Variants in NEO1 observed in about 807,000 individuals in gnomAD.
NEO1 encodes neogenin.
NEO1 carries 63 observed loss-of-function variants against 159.7 expected under a neutral mutation model. The observed-to-expected ratio is 0.39, with a 90% CI of 0.32 to 0.49. The LOEUF is 0.49. NEO1 is among the 20% of genes least tolerant of loss of function. The pLI is 0.85. For synonymous variants in NEO1, 633 were observed against 662.0 expected (o/e 0.96, Z 0.67); for missense variants, 1,615 against 1,831.0 (o/e 0.88, Z 2.15).
At chr15:73,067,603 C>T (rs1297903972) in intron 1 of NEO1, among the ~76,000 whole-genome samples, 1 of 150,468 alleles carries the variant, frequency 6.6e-6, no homozygotes, top group Admixed American at 6.6e-5. Flanking sequence ...GCGCCTGCCA[C>T]CACGCCCAGC....
chr15:73,236,685 G>A (rs2039190356), intron 8 of NEO1, among the ~76,000 whole-genome samples, 179 bp downstream of exon 8: 1 of 152,194 alleles, frequency 6.6e-6, no homozygotes, highest in South Asian at 2.1e-4. Context: ...AGTCCTGGTA[G>A]TCTCTCCTTT....
intron 5 of NEO1, among the ~76,000 whole-genome samples, chr15:73,138,171 T>C (rs2151758846): frequency 6.6e-6 from 1 of 152,196 alleles, no homozygotes; most frequent in Non-Finnish European, 1.5e-5. Flanking sequence ...ACAAAAAAAT[T>C]CTAAAAGCTT....
At chr15:73,238,743 T>C (rs1230924368) in intron 8 of NEO1, among the ~76,000 whole-genome samples, 3 of 152,028 alleles carry the variant, frequency 2.0e-5, no homozygotes, top group African/African-American at 7.3e-5. Context: ...AAGCAGATGA[T>C]TCATAGTACT....
chr15:73,230,049 C>T (rs143522883), intron 7 of NEO1, among the ~76,000 whole-genome samples: 1 of 152,162 alleles, frequency 6.6e-6, no homozygotes, highest in African/African-American at 2.4e-5. Context: ...CAGAGTAATA[C>T]TGAACGCACA....
intron 5 of NEO1, among the ~76,000 whole-genome samples, chr15:73,141,019 A>T (rs1250488126): frequency 3.3e-5 from 5 of 152,178 alleles, no homozygotes; most frequent in African/African-American, 1.2e-4. Flanking sequence ...TCAGTTTCTT[A>T]ATCTGGGTGG....
At chr15:73,262,818 A>G (rs2040684831) in intron 15 of NEO1, among the ~76,000 whole-genome samples, 2 of 152,242 alleles carry the variant, frequency 1.3e-5, no homozygotes, top group Admixed American at 1.3e-4. Flanking sequence ...GGAAATAACA[A>G]ATTTTCATCA....
chr15:73,226,475 T>G (rs80227449), intron 7 of NEO1, among the ~76,000 whole-genome samples: 2,127 of 152,240 alleles, frequency 0.014, 32 homozygotes, highest in East Asian at 0.049. Flanking sequence ...CAAATAAGAA[T>G]GAGAAATGCT....
chr15:73,228,334 G>A (rs77021592), intron 7 of NEO1, among the ~76,000 whole-genome samples: 225 of 151,544 alleles, frequency 1.5e-3, no homozygotes, highest in Non-Finnish European at 2.7e-3. Flanking sequence ...AATGACTAAT[G>A]ATGTCATTTT....
Position 73,122,562 on chromosome 15 carries a change from A to G in NEO1, c.486A>G (p.Ser162=). The G allele has an allele frequency of 5.0e-6, 8 of 1,613,990 alleles. No individual in the cohort carries two copies. The highest frequency in any genetic ancestry group is 6.8e-6 in the Non-Finnish European group (8 of 1,179,950). The change falls in exon 3 of 29, where the codon TCA becomes TCG. Residue 162 remains serine (S), a synonymous_variant. Coordinates refer to ENST00000261908, the MANE Select transcript of NEO1 (RefSeq NM_002499.4). ...TTACCAGCCAACCAGAACCTTCCTC[A>G]GTTTATGCTGGGAACAATGCAATTC... ...PRFTSQPEPS[S]VYAGNNAILN...
intron 22 of NEO1, among the ~76,000 whole-genome samples, chr15:73,281,218 CATAA>C (rs2041688979): frequency 7.2e-6 from 1 of 139,516 alleles, no homozygotes; most frequent in Non-Finnish European, 1.6e-5. Flanking sequence ...AAAAAAAACA[CATAA>C]ATTTATAAGC....
intron 1 of NEO1, among the ~76,000 whole-genome samples, chr15:73,067,423 A>G (rs1160661318): frequency 1.3e-5 from 2 of 148,848 alleles, no homozygotes; most frequent in African/African-American, 4.9e-5. Flanking sequence ...TATATTCAGT[A>G]TTGCTGGTTG....
intron 2 of NEO1, among the ~76,000 whole-genome samples, chr15:73,118,083 T>C (rs1212881883): frequency 6.6e-6 from 1 of 152,156 alleles, no homozygotes; most frequent in Non-Finnish European, 1.5e-5. Flanking sequence ...ATATCTCTTA[T>C]CTGGGCTTTA....
intron 5 of NEO1, among the ~76,000 whole-genome samples, chr15:73,174,400 G>A (rs958381843): frequency 3.9e-5 from 6 of 152,106 alleles, no homozygotes; most frequent in Non-Finnish European, 7.4e-5. Context: ...ATGATAAGCC[G>A]AAAATTGCCC....
chr15:73,127,543 T>A (rs1176897600), intron 4 of NEO1, among the ~76,000 whole-genome samples: 1 of 152,182 alleles, frequency 6.6e-6, no homozygotes, highest in Non-Finnish European at 1.5e-5. Flanking sequence ...ACCAAAAATG[T>A]CCCTGGATAC....
At chr15:73,121,205 G>GAGT (rs2071624125) in intron 2 of NEO1, among the ~76,000 whole-genome samples, 1 of 152,132 alleles carries the variant, frequency 6.6e-6, no homozygotes, top group Admixed American at 6.5e-5. Flanking sequence ...ACCAAAAGCA[G>GAGT]AGTACCCGCC....
chr15:73,101,644 A>G (rs935685066), intron 1 of NEO1, among the ~76,000 whole-genome samples: 6 of 152,096 alleles, frequency 3.9e-5, no homozygotes, highest in African/African-American at 1.4e-4. Flanking sequence ...CTCTCTCTCA[A>G]GGGTCATAGT....
At position 73,122,785 on chromosome 15, in the gene NEO1, T is replaced by C; in HGVS notation, c.709T>C (p.Leu237=). The C allele has an allele frequency of 6.2e-7, 1 of 1,614,136 alleles. No individual in the cohort carries two copies. ...ACCAAAGTATAGTGATGAAGTTGAA[T>C]TGAAGGTTCTTCCAGGTATTAACTC... is the stretch of plus-strand genomic sequence containing the variant. ...GPPKYSDEVE[L]KVLPDPEVIS... Residue 237 remains leucine (L), a synonymous_variant, in exon 3 of 29, where the codon TTG becomes CTG. Coordinates refer to ENST00000261908, the MANE Select transcript of NEO1 (RefSeq NM_002499.4).
chr15:73,113,631 T>C (rs1214205745), intron 1 of NEO1, among the ~76,000 whole-genome samples: 1 of 152,134 alleles, frequency 6.6e-6, no homozygotes, highest in African/African-American at 2.4e-5. Flanking sequence ...CTTTGTGAAG[T>C]TGAGCTTTTA....
chr15:73,190,174 G>A (rs2036161258), intron 7 of NEO1, among the ~76,000 whole-genome samples: 1 of 152,060 alleles, frequency 6.6e-6, no homozygotes. Context: ...AGGAATTAAG[G>A]TAAAATGTCT....
Sources: gnomAD v4.1 joint callset for allele counts (sites outside exome capture counted in the v4.1 genomes callset) on GRCh38, gnomAD v4.1.1 for gene constraint, MANE v1.5 for transcripts, NCBI Gene and HGNC (gene_info 2026-07-23, HGNC 2026-07-21) for gene names.